Variants in HDAC4 observed in about 807,000 individuals in gnomAD.
HDAC4 encodes histone deacetylase 4.
HDAC4 carries 16 observed loss-of-function variants against 135.1 expected under a neutral mutation model. The ratio of observed to expected loss-of-function variants is 0.12; its 90% CI spans 0.08 to 0.18. The LOEUF is 0.18. Among genes scored for constraint, HDAC4 ranks in the 10% least tolerant of loss-of-function variants. The pLI, the probability that HDAC4 is intolerant of heterozygous loss-of-function variation, is 1.00. For missense variants in HDAC4, 1,143 were observed against 1,511.8 expected (o/e 0.76, Z 4.05); for synonymous variants, 685 against 653.4 (o/e 1.05, Z -0.74).
rs1389029387 is a variant in HDAC4 at position 239,049,459 on chromosome 2, A to C, written c.*3638T>G. 6.6e-6 allele frequency: 1 copy of C among 151,672 alleles called. No homozygotes were observed. Among genetic ancestry groups the C allele is most frequent in the Non-Finnish European group, 1.5e-5 (1 of 67,894 alleles). 9.4% of individuals were successfully genotyped at this position (151,672 alleles called of 1,614,324 possible). A position where few individuals can be genotyped will look rare whatever the true frequency, so the allele number is the denominator to read the frequency against. ...CCAGGTGTAGGAAACTTAAAAAAAT[A>C]TATTCATATATATTTATATCTATAT... On this transcript the variant is annotated 3_prime_UTR_variant, in exon 27 of 27. Transcript: ENST00000543185.
At chr2:239,124,715 T>G (rs1319119612) in intron 12 of HDAC4, among the ~76,000 whole-genome samples, 3 of 130,302 alleles carry the variant, frequency 2.3e-5, no homozygotes, top group Non-Finnish European at 5.1e-5. Flanking sequence ...TATGTGACAT[T>G]CTGGTGTGCT....
chr2:239,181,243 C>T (rs902413181), intron 4 of HDAC4, among the ~76,000 whole-genome samples: 3 of 152,194 alleles, frequency 2.0e-5, no homozygotes, highest in African/African-American at 7.2e-5. Flanking sequence ...AGAAGAGCTG[C>T]AGAGGTGGCA....
chr2:239,171,782 A>G (rs1327725085), intron 5 of HDAC4, among the ~76,000 whole-genome samples: 1 of 152,248 alleles, frequency 6.6e-6, no homozygotes, highest in Non-Finnish European at 1.5e-5. Flanking sequence ...CAAAGAAGGA[A>G]CAATAGGATG....
chr2:239,161,573 G>T (rs894832994), intron 6 of HDAC4, among the ~76,000 whole-genome samples: 42 of 152,124 alleles, frequency 2.8e-4, no homozygotes, highest in African/African-American at 9.7e-4. Context: ...TTCAAATACG[G>T]CAAAACAAGA....
Position 239,245,685 on chromosome 2 carries a change from T to C in HDAC4, c.23-9021A>G, listed in dbSNP as rs768134888. Reference sequence around the variant, plus strand: ...GAGGTGGCTGTGGGCACTCGCTCTATGCACTGGTCTCTTTCCTTTCATATA... The same window carrying C: ...GAGGTGGCTGTGGGCACTCGCTCTACGCACTGGTCTCTTTCCTTTCATATA... On this transcript the variant is annotated intron_variant, in intron 2 of 26. Transcript: ENST00000543185. This position sits in a 1 kb window ranked among gnomAD's most constrained non-coding sequence, Gnocchi z 4.4. Among the ~76,000 whole-genome samples, 9 of 152,200 alleles carry C rather than the reference T, an allele frequency of 5.9e-5. No individual in the cohort carries two copies. Among genetic ancestry groups the C allele is most frequent in the East Asian group, 1.9e-4 (1 of 5,190 alleles).
intron 11 of HDAC4, among the ~76,000 whole-genome samples, chr2:239,127,750 C>G (rs188080329): frequency 1.3e-5 from 2 of 152,220 alleles, no homozygotes; most frequent in Admixed American, 6.5e-5. Flanking sequence ...TGCTGCCAGG[C>G]GGGGCTACAT....
intron 2 of HDAC4, among the ~76,000 whole-genome samples, chr2:239,244,765 C>G (rs913754174): frequency 6.6e-6 from 1 of 152,166 alleles, no homozygotes; most frequent in Non-Finnish European, 1.5e-5. Flanking sequence ...CCAGCTCAGC[C>G]TCCTGCTTTG....
At chr2:239,094,892 C>A in intron 17 of HDAC4, 118 bp downstream of exon 17, 1 of 1,597,670 alleles carries the variant, frequency 6.3e-7, no homozygotes, top group Admixed American at 1.7e-5. Context: ...GCAGCCCCTG[C>A]GTATGGAAAA....
chr2:239,398,046 C>CT (rs1456720989), intron 1 of HDAC4, among the ~76,000 whole-genome samples: 2 of 149,990 alleles, frequency 1.3e-5, no homozygotes, highest in Non-Finnish European at 3.0e-5. Context: ...TAGGTGGAGA[C>CT]TGGGCCCCTT....
intron 1 of HDAC4, among the ~76,000 whole-genome samples, chr2:239,374,882 G>A (rs556229171): frequency 2.6e-5 from 4 of 152,298 alleles, no homozygotes; most frequent in East Asian, 1.9e-4. Flanking sequence ...CCACCCTGGC[G>A]GTACGTGAAG....
At chr2:239,152,387 T>C (rs917334395) in intron 7 of HDAC4, among the ~76,000 whole-genome samples, 6 of 152,230 alleles carry the variant, frequency 3.9e-5, no homozygotes, top group Admixed American at 3.9e-4. Flanking sequence ...AGGGTGACAC[T>C]TGAGGCTGCA....
At chr2:239,298,404 G>T (rs2052041515) in intron 2 of HDAC4, 1 of 1,174,992 alleles carries the variant, frequency 8.5e-7, no homozygotes, top group African/African-American at 1.6e-5. Context: ...ACCTCAGAGG[G>T]AAACAGGGTA....
In HDAC4 at chr2:239,299,678, A is replaced by G. The variant is rs1406288260; in HGVS notation, c.22+53000T>C. Among the ~76,000 whole-genome samples the G allele has an allele frequency of 2.6e-5, 4 of 152,252 alleles. No individual in the cohort carries two copies. The highest frequency in any genetic ancestry group is 5.9e-5 in the Non-Finnish European group (4 of 68,040). The stretch of plus-strand genomic sequence containing the variant: ...CTTGAGTGAGAAGCGTCATGGGTAG[A>G]ATCACGGAGCAAGGTCCTGCCCACC... On this transcript the variant is annotated intron_variant, in intron 2 of 26. Coordinates refer to ENST00000543185, the MANE Select transcript of HDAC4 (RefSeq NM_001378414.1). The surrounding 1 kb of genome is among the most constrained non-coding windows in gnomAD (Gnocchi z 4.0).
chr2:239,279,968 C>T (rs1446922947), intron 2 of HDAC4, among the ~76,000 whole-genome samples: 1 of 152,108 alleles, frequency 6.6e-6, no homozygotes, highest in African/African-American at 2.4e-5. Context: ...ACAGAAAGTG[C>T]GGATCCCACC....
intron 3 of HDAC4, among the ~76,000 whole-genome samples, chr2:239,204,136 T>C (rs1434397956): frequency 1.3e-5 from 2 of 152,206 alleles, no homozygotes; most frequent in African/African-American, 4.8e-5. Flanking sequence ...GGAGTCCTCA[T>C]TTCTAAGCAT....
intron 12 of HDAC4, among the ~76,000 whole-genome samples, chr2:239,117,018 G>A (rs1051085780): frequency 5.3e-5 from 8 of 152,196 alleles, no homozygotes; most frequent in African/African-American, 1.9e-4. Context: ...GGAGGGTAGG[G>A]ACCACTTCTG....
chr2:239,263,135 GA>G (rs2049476193), intron 2 of HDAC4, among the ~76,000 whole-genome samples: 1 of 152,124 alleles, frequency 6.6e-6, no homozygotes, highest in African/African-American at 2.4e-5. Context: ...TAGAAAATAT[GA>G]AAAACACTAC....
intron 3 of HDAC4, chr2:239,191,204 G>GGGT (rs1268920521): frequency 5.9e-6 from 2 of 341,650 alleles, no homozygotes; most frequent in Non-Finnish European, 1.2e-5. Flanking sequence ...AAGCTCAGAG[G>GGGT]GGTGTCTGGG....
chr2:239,183,953 C>T (rs1395564549), intron 4 of HDAC4, among the ~76,000 whole-genome samples: 1 of 151,804 alleles, frequency 6.6e-6, no homozygotes, highest in Non-Finnish European at 1.5e-5. Flanking sequence ...AAGAGTCACA[C>T]TATCAACTAA....
Sources: allele counts gnomAD v4.1 joint callset (sites outside exome capture counted in the v4.1 genomes callset), GRCh38; gene constraint gnomAD v4.1.1; non-coding constraint Gnocchi (gnomAD v3.1); transcripts MANE v1.5; gene names NCBI Gene and HGNC (gene_info 2026-07-23, HGNC 2026-07-21).